The following ZNF827 variants were observed in gnomAD, a reference collection of about 807,000 sequenced individuals.
The protein encoded by ZNF827 is zinc finger protein 827.
ZNF827 carries 13 observed loss-of-function variants against 102.4 expected under a neutral mutation model. The observed-to-expected ratio is 0.13, with a 90% CI of 0.08 to 0.20. ZNF827 has a LOEUF of 0.20. ZNF827 is among the 10% of genes least tolerant of loss of function. The pLI is 1.00. For synonymous variants in ZNF827, 523 were observed against 536.2 expected (o/e 0.98, Z 0.34); for missense variants, 1,103 against 1,344.4 (o/e 0.82, Z 2.81).
intron 9 of ZNF827, among the ~76,000 whole-genome samples, 190 bp from the exon 10 acceptor site, chr4:145,776,150 C>T (rs1737051890): frequency 6.6e-6 from 1 of 152,134 alleles, no homozygotes; most frequent in Admixed American, 6.5e-5. Flanking sequence ...TGTATTAGTA[C>T]TTCTAAATAT....
chr4:145,921,537 T>G (rs1299055023), intron 1 of ZNF827, among the ~76,000 whole-genome samples: 1 of 147,774 alleles, frequency 6.8e-6, no homozygotes, highest in Non-Finnish European at 1.5e-5. Context: ...AGAAAAAATA[T>G]GAGTGTAAAC....
chr4:145,937,578 G>A (rs2066991186), intron 1 of ZNF827, among the ~76,000 whole-genome samples: 1 of 142,172 alleles, frequency 7.0e-6, no homozygotes, highest in Admixed American at 6.9e-5. Flanking sequence ...GCGCCCCGGC[G>A]CGCCCCCTCG....
Position 145,803,292 on chromosome 4 carries a change from A to G in ZNF827, c.2383+20130T>C, listed in dbSNP as rs143077458. ...TTAAAAGTCCAAGTCTATTAAAACC[A>G]AAACAAAACAATGACAAATATCCTT... On this transcript the variant is annotated intron_variant, in intron 8 of 14. Coordinates refer to ENST00000508784, the MANE Select transcript of ZNF827 (RefSeq NM_001306215.2). Among the ~76,000 whole-genome samples the G allele has an allele frequency of 1.8e-4, 28 of 152,356 alleles. No individual in the cohort carries two copies. The East Asian group carries it at 5.2e-3, about 28-fold the overall frequency.
At chr4:145,830,060 A>T (rs1296360162) in intron 7 of ZNF827, among the ~76,000 whole-genome samples, 1 of 152,220 alleles carries the variant, frequency 6.6e-6, no homozygotes, top group African/African-American at 2.4e-5. Flanking sequence ...TCAATAATTA[A>T]TCTGACTTTA....
intron 1 of ZNF827, chr4:145,907,041 GA>G (rs1323876175): frequency 2.2e-6 from 1 of 456,392 alleles, no homozygotes; most frequent in Non-Finnish European, 4.4e-6. Flanking sequence ...AAACATAGCT[GA>G]AATTATTCTG....
At chr4:145,815,462 T>C (rs1742509412) in intron 8 of ZNF827, among the ~76,000 whole-genome samples, 1 of 152,180 alleles carries the variant, frequency 6.6e-6, no homozygotes, top group Admixed American at 6.5e-5. Flanking sequence ...TGGTGTGATG[T>C]GGGAGTGTCT....
At position 145,761,656 on chromosome 4, in the gene ZNF827, C is replaced by A; in HGVS notation, c.*18-58G>T. On this transcript the variant is annotated intron_variant, in intron 14 of 14. Coordinates refer to ENST00000508784, the MANE Select transcript of ZNF827 (RefSeq NM_001306215.2). The surrounding 1 kb of genome is among the most constrained non-coding windows in gnomAD (Gnocchi z 6.8). ...CCGGGAAGGTTCGGAGGCAGCCGCG[C>A]TTCTCGCCGCCTCACCAGCCTTCCC... 1 of 1,067,416 alleles carries A rather than the reference C, an allele frequency of 9.4e-7. No individual in the cohort carries two copies. Among genetic ancestry groups the A allele is most frequent in the Non-Finnish European group, 1.2e-6 (1 of 813,588 alleles). 66.1% of individuals were successfully genotyped at this position (1,067,416 alleles called of 1,614,324 possible). A position where few individuals can be genotyped will look rare whatever the true frequency, so the allele number is the denominator to read the frequency against.
At chr4:145,845,919 C>A (rs377623112) in intron 7 of ZNF827, 37 bp downstream of exon 7, 1 of 1,611,964 alleles carries the variant, frequency 6.2e-7, no homozygotes, top group African/African-American at 1.3e-5. Flanking sequence ...GTGGCCCACA[C>A]GGGGTGTTCT....
chr4:145,808,645 G>A (rs1741725861), intron 8 of ZNF827, among the ~76,000 whole-genome samples: 1 of 152,220 alleles, frequency 6.6e-6, no homozygotes, highest in Admixed American at 6.5e-5. Flanking sequence ...TCCTTAGTCT[G>A]AAGCACTTTG....
chr4:145,847,780 T>C (rs368107815), intron 6 of ZNF827, among the ~76,000 whole-genome samples: 27 of 152,172 alleles, frequency 1.8e-4, no homozygotes, highest in African/African-American at 6.0e-4. Context: ...CAAATAAAAA[T>C]CTCTTAATCT....
chr4:145,926,805 C>T lies in ZNF827; in HGVS notation c.43+11560G>A, dbSNP rs545343780. 3.9e-5 allele frequency among the ~76,000 whole-genome samples: 6 copies of T among 151,950 alleles called. No homozygotes were observed. The East Asian group carries it at 1.2e-3, about 29-fold the overall frequency. On this transcript the variant is annotated intron_variant, in intron 1 of 14. Coordinates refer to ENST00000508784, the MANE Select transcript of ZNF827 (RefSeq NM_001306215.2). ...GGAGTACGCCCAAGTCATGTTTAAG[C>T]TTCTCATACTTTTTCTCTTCTTCTG...
chr4:145,935,132 C>T (rs2127007360), intron 1 of ZNF827, among the ~76,000 whole-genome samples: 1 of 152,242 alleles, frequency 6.6e-6, no homozygotes, highest in Middle Eastern at 3.4e-3. Flanking sequence ...CTTCTTAAAA[C>T]CCTGAGATGA....
Position 145,760,444 on chromosome 4 carries a change from T to C in ZNF827, c.*1172A>G, listed in dbSNP as rs1185275764. The C allele has an allele frequency of 1.3e-5, 2 of 154,364 alleles. No homozygotes were observed. Among genetic ancestry groups the C allele is most frequent in the East Asian group, 3.9e-4 (2 of 5,184 alleles). The allele number at this position is 154,364 out of a possible 1,614,324, so 9.6% of individuals were successfully genotyped here. A position where few individuals can be genotyped will look rare whatever the true frequency, so the allele number is the denominator to read the frequency against. On this transcript the variant is annotated 3_prime_UTR_variant, in exon 15 of 15. Transcript: ENST00000508784. ...GCTATTAAGGACACTCTCTTTAGGG[T>C]TTAACAAGACAAGATTCCTTTCAGA...
chr4:145,764,644 T>C lies in ZNF827; in HGVS notation c.3230+344A>G, dbSNP rs541432592. 13 of 277,920 alleles carry C rather than the reference T, an allele frequency of 4.7e-5. No individual in the cohort carries two copies. In the South Asian group the frequency reaches 5.9e-4, roughly 13 times the overall value. The allele number at this position is 277,920 out of a possible 1,614,324, so 17.2% of individuals were successfully genotyped here. A position where few individuals can be genotyped will look rare whatever the true frequency, so the allele number is the denominator to read the frequency against. ...TGAATCTCGGTCACAGTATGATTTA[T>C]GCTTGGGGACACTAAGCCCTGAGTC... On this transcript the variant is annotated intron_variant, in intron 13 of 14. Transcript: ENST00000508784.
intron 1 of ZNF827, among the ~76,000 whole-genome samples, chr4:145,916,549 G>A (rs79862112): frequency 0.025 from 3,812 of 152,164 alleles, 75 homozygotes; most frequent in Non-Finnish European, 0.04. Flanking sequence ...GTACCTTTGG[G>A]GTCATTCTCT....
intron 1 of ZNF827, among the ~76,000 whole-genome samples, chr4:145,932,726 G>A (rs1052495076): frequency 1.9e-4 from 29 of 152,170 alleles, no homozygotes; most frequent in Non-Finnish European, 2.6e-4. Context: ...CACCCGCCTC[G>A]GCCTCCCAAA....
At chr4:145,918,494 G>A (rs1468885700) in intron 1 of ZNF827, among the ~76,000 whole-genome samples, 2 of 133,684 alleles carry the variant, frequency 1.5e-5, no homozygotes, top group African/African-American at 6.1e-5. Flanking sequence ...GGGCAAAAAA[G>A]TAAGACCCAG....
Position 145,779,157 on chromosome 4 carries a change from T to TC in ZNF827, c.2521+216dup, listed in dbSNP as rs529230586. On this transcript the variant is annotated intron_variant, in intron 9 of 14. Coordinates refer to ENST00000508784, the MANE Select transcript of ZNF827 (RefSeq NM_001306215.2). ...GAATAAACCTAAATTGTGTATATTT[T>TC]CTCATCGGTCCTACCTGGAACTCAA... Among the ~76,000 whole-genome samples, 27 of 152,336 alleles carry TC rather than the reference T, an allele frequency of 1.8e-4. No homozygotes were observed. In the South Asian group the frequency reaches 3.9e-3, roughly 22 times the overall value.
intron 11 of ZNF827, among the ~76,000 whole-genome samples, chr4:145,768,488 A>AAGTAACTG (rs958652262): frequency 2.0e-5 from 3 of 152,056 alleles, no homozygotes; most frequent in Non-Finnish European, 4.4e-5. Context: ...TATAAACCCC[A>AAGTAACTG]AGTAACTGGA....
Sources: gnomAD v4.1 joint callset for allele counts (sites outside exome capture counted in the v4.1 genomes callset) on GRCh38, gnomAD v4.1.1 for gene constraint, Gnocchi (gnomAD v3.1) non-coding constraint, MANE v1.5 for transcripts, NCBI Gene and HGNC (gene_info 2026-07-23, HGNC 2026-07-21) for gene names.